The following AGBL4 variants were observed in gnomAD, a reference collection of about 807,000 sequenced individuals.
AGBL4 encodes the protein AGBL carboxypeptidase 4.
AGBL4 carries 58 observed loss-of-function variants against 66.4 expected under a neutral mutation model. That is an observed-to-expected ratio of 0.87 (90% CI 0.71 to 1.09). The LOEUF is 1.09. Ranked by LOEUF, AGBL4 falls within the 50% of genes least tolerant of loss-of-function variation. AGBL4 has a pLI of 0.00. For missense variants in AGBL4, 579 were observed against 631.0 expected, an observed-to-expected ratio of 0.92 and a Z score of 0.88; for synonymous variants, 234 against 222.9, an observed-to-expected ratio of 1.05 and a Z score of -0.44.
At chr1:49,378,824 G>A (rs1490022794) in intron 3 of AGBL4, among the ~76,000 whole-genome samples, 1 of 152,124 alleles carries the variant, frequency 6.6e-6, no homozygotes, top group Admixed American at 6.6e-5. Context: ...GAGTAGTAAT[G>A]GTCCAGCTCT....
intron 1 of AGBL4, among the ~76,000 whole-genome samples, chr1:49,916,024 C>A (rs1000207065): frequency 2.0e-5 from 3 of 152,154 alleles, no homozygotes; most frequent in African/African-American, 7.2e-5. Flanking sequence ...GCTGAGGGAC[C>A]TGATTGTTAG....
chr1:48,648,547 C>T (rs1645876182), intron 8 of AGBL4, among the ~76,000 whole-genome samples: 1 of 152,148 alleles, frequency 6.6e-6, no homozygotes, highest in Admixed American at 6.6e-5. Context: ...GAAAATTAGA[C>T]CCTCAGTTCT....
At chr1:48,778,647 T>G (rs568876340) in intron 6 of AGBL4, among the ~76,000 whole-genome samples, 2 of 152,344 alleles carry the variant, frequency 1.3e-5, no homozygotes, top group South Asian at 4.1e-4. Flanking sequence ...TGTTTTTCCT[T>G]GTATTCATTG....
chr1:48,741,702 C>T (rs1649934124), intron 6 of AGBL4, among the ~76,000 whole-genome samples: 1 of 152,224 alleles, frequency 6.6e-6, no homozygotes, highest in South Asian at 2.1e-4. Flanking sequence ...TTCTCATCAA[C>T]CTAACAGAGA....
intron 3 of AGBL4, among the ~76,000 whole-genome samples, chr1:49,341,681 G>A (rs1021231433): frequency 2.0e-5 from 3 of 152,176 alleles, no homozygotes; most frequent in Non-Finnish European, 2.9e-5. Flanking sequence ...GGCGTGTGCA[G>A]GATCATAGGA....
chr1:49,270,758 A>G (rs77053135), intron 3 of AGBL4, among the ~76,000 whole-genome samples: 4,217 of 152,300 alleles, frequency 0.028, 173 homozygotes, highest in African/African-American at 0.096. Flanking sequence ...CACTACTGGA[A>G]TAAGTACATC....
chr1:48,744,824 C>T (rs1469247067), intron 6 of AGBL4, among the ~76,000 whole-genome samples: 6 of 152,316 alleles, frequency 3.9e-5, no homozygotes, highest in African/African-American at 1.2e-4. Context: ...TTCTTGCCCC[C>T]CACCAATATT....
intron 1 of AGBL4, among the ~76,000 whole-genome samples, chr1:49,962,740 T>C (rs1368116073): frequency 6.6e-6 from 1 of 152,098 alleles, no homozygotes; most frequent in Non-Finnish European, 1.5e-5. Flanking sequence ...AAACAGATAA[T>C]ATAGTAATTT....
intron 5 of AGBL4, among the ~76,000 whole-genome samples, chr1:48,978,394 G>A (rs1659504310): frequency 6.6e-6 from 1 of 152,152 alleles, no homozygotes; most frequent in African/African-American, 2.4e-5. Flanking sequence ...TTTCTGCTTT[G>A]TGTGTTTCTA....
intron 7 of AGBL4, among the ~76,000 whole-genome samples, chr1:48,661,277 A>G (rs975685404): frequency 1.3e-5 from 2 of 152,216 alleles, no homozygotes; most frequent in Non-Finnish European, 2.9e-5. Flanking sequence ...GGCACTCACA[A>G]TGAGCCCTGT....
At chr1:49,160,282 C>T (rs1646515828) in intron 4 of AGBL4, among the ~76,000 whole-genome samples, 1 of 152,092 alleles carries the variant, frequency 6.6e-6, no homozygotes, top group Non-Finnish European at 1.5e-5. Context: ...GATGCTATTC[C>T]TTTCTGTTTG....
chr1:49,778,880 T>A (rs1423557660), intron 2 of AGBL4, among the ~76,000 whole-genome samples: 1 of 152,198 alleles, frequency 6.6e-6, no homozygotes, highest in African/African-American at 2.4e-5. Context: ...GTTATGGTTA[T>A]ACTATAAGCC....
chr1:49,865,185 C>T (rs1054872278), intron 1 of AGBL4, among the ~76,000 whole-genome samples: 6 of 152,164 alleles, frequency 3.9e-5, no homozygotes, highest in Non-Finnish European at 7.3e-5. Flanking sequence ...CCCCTGCTGG[C>T]TCTGAGGAAT....
intron 4 of AGBL4, among the ~76,000 whole-genome samples, chr1:49,198,087 T>C (rs1647375687): frequency 6.6e-6 from 1 of 151,956 alleles, no homozygotes; most frequent in Non-Finnish European, 1.5e-5. Flanking sequence ...GATCCAGGGA[T>C]TGGGAGGGTC....
chr1:49,446,347 T>C (rs934183712), intron 3 of AGBL4, among the ~76,000 whole-genome samples: 7 of 152,212 alleles, frequency 4.6e-5, no homozygotes, highest in African/African-American at 1.7e-4. Flanking sequence ...GAGAGGACTT[T>C]ATCCTGAGAA....
chr1:48,854,976 G>A (rs1647113367), intron 6 of AGBL4, among the ~76,000 whole-genome samples: 1 of 152,186 alleles, frequency 6.6e-6, no homozygotes, highest in Admixed American at 6.5e-5. Flanking sequence ...AGATTTATTT[G>A]TGGATTATTC....
At chr1:49,234,937 A>G (rs528638140) in intron 4 of AGBL4, among the ~76,000 whole-genome samples, 15 of 152,290 alleles carry the variant, frequency 9.8e-5, no homozygotes, top group Non-Finnish European at 1.9e-4. Flanking sequence ...CACCTGTAAA[A>G]TGGTCATAAC....
intron 3 of AGBL4, among the ~76,000 whole-genome samples, chr1:49,321,253 C>A (rs926708684): frequency 6.6e-6 from 1 of 152,160 alleles, no homozygotes; most frequent in African/African-American, 2.4e-5. Flanking sequence ...TATATCCTTA[C>A]ACCCTAGAAA....
intron 1 of AGBL4, among the ~76,000 whole-genome samples, chr1:49,882,158 T>C (rs1350647767): frequency 1.3e-5 from 2 of 151,566 alleles, no homozygotes; most frequent in Non-Finnish European, 2.9e-5. Context: ...CTTTCCCCAT[T>C]GCTTGTTTTT....
Sources: gnomAD v4.1 joint callset for allele counts (sites outside exome capture counted in the v4.1 genomes callset) on GRCh38, gnomAD v4.1.1 for gene constraint, MANE v1.5 for transcripts, NCBI Gene and HGNC (gene_info 2026-07-23, HGNC 2026-07-21) for gene names.